The following BCAR3 variants were observed in gnomAD, a reference collection of about 807,000 sequenced individuals.
BCAR3 encodes the protein BCAR3 adaptor protein, NSP family member, also known as breast cancer anti-estrogen resistance protein 3.
Under a neutral mutation model 80.1 loss-of-function variants are expected in BCAR3, and 37 were observed. The ratio of observed to expected loss-of-function variants is 0.46; its 90% confidence interval spans 0.36 to 0.61. The LOEUF is 0.61. Ranked by LOEUF, BCAR3 falls within the 20% of genes least tolerant of loss-of-function variation. The pLI is 0.00. For missense variants in BCAR3, 978 were observed against 1,068.2 expected (o/e 0.92, Z 1.18); for synonymous variants, 389 against 418.9 (o/e 0.93, Z 0.87).
At position 93,563,251 on chromosome 1, in the gene BCAR3, C is replaced by T. The variant is rs1672777498; in HGVS notation, c.2300-832G>A. ...CCTCAGTCAACCACTGATCTGCTTTCTGTTGCTACTGTTTTGCCTTTTCTA... is the reference window on the plus strand; with the variant it reads ...CCTCAGTCAACCACTGATCTGCTTTTTGTTGCTACTGTTTTGCCTTTTCTA... On this transcript the variant is annotated intron_variant, in intron 11 of 11. Transcript: ENST00000260502. Among the ~76,000 whole-genome samples the T allele has an allele frequency of 2.0e-5, 3 of 152,294 alleles. No homozygotes were observed. The South Asian group carries it at 6.2e-4, about 32-fold the overall frequency.
chr1:93,679,142 A>G (rs1005465809), intron 1 of BCAR3, among the ~76,000 whole-genome samples: 2 of 152,254 alleles, frequency 1.3e-5, no homozygotes, highest in African/African-American at 2.4e-5. Context: ...ATTTTAAAAA[A>G]TGACTTAACA....
At chr1:93,666,226 C>T (rs1238224112) in intron 2 of BCAR3, among the ~76,000 whole-genome samples, 1 of 152,100 alleles carries the variant, frequency 6.6e-6, no homozygotes, top group African/African-American at 2.4e-5. Context: ...CAGTGCTAGC[C>T]AATAAAAACA....
At chr1:93,826,014 G>A (rs1654360929) in intron 2 of BCAR3, among the ~76,000 whole-genome samples, 1 of 152,226 alleles carries the variant, frequency 6.6e-6, no homozygotes, top group Non-Finnish European at 1.5e-5. Context: ...CACAGAAGGA[G>A]TTCAGTAAAT....
At chr1:93,720,420 G>C (rs573020558) in intron 2 of BCAR3, 1 of 152,398 alleles carries the variant, frequency 6.6e-6, no homozygotes, top group East Asian at 1.9e-4. Flanking sequence ...GGCAAAACAG[G>C]ACCTAACTTT....
At chr1:93,617,664 C>T (rs1175164485) in intron 3 of BCAR3, among the ~76,000 whole-genome samples, 1 of 152,184 alleles carries the variant, frequency 6.6e-6, no homozygotes, top group East Asian at 1.9e-4. Flanking sequence ...TTTTTGCTTC[C>T]CCTAAACCCA....
upstream of BCAR3, among the ~76,000 whole-genome samples, chr1:93,685,906 T>G (rs189734318): frequency 7.9e-5 from 12 of 152,320 alleles, no homozygotes; most frequent in Admixed American, 2.0e-4. Flanking sequence ...TCATGTTTAG[T>G]AGACTTTTTT....
At chr1:93,758,169 T>A (rs1651809309) in intron 2 of BCAR3, among the ~76,000 whole-genome samples, 1 of 148,796 alleles carries the variant, frequency 6.7e-6, no homozygotes, top group African/African-American at 2.6e-5. Flanking sequence ...AGGACTAGTG[T>A]CTTGGTTCAT....
chr1:93,632,048 C>T (rs1250661128), intron 3 of BCAR3, among the ~76,000 whole-genome samples: 1 of 152,164 alleles, frequency 6.6e-6, no homozygotes, highest in Admixed American at 6.5e-5. Flanking sequence ...CTAAAGATGC[C>T]AGAACCGACC....
At chr1:93,804,812 T>C (rs144784627) in intron 2 of BCAR3, among the ~76,000 whole-genome samples, 1 of 152,312 alleles carries the variant, frequency 6.6e-6, no homozygotes, top group African/African-American at 2.4e-5. Flanking sequence ...TTGATGAATA[T>C]TTGAGTTGTT....
At chr1:93,739,431 CT>C (rs776168816) in intron 2 of BCAR3, among the ~76,000 whole-genome samples, 1 of 152,148 alleles carries the variant, frequency 6.6e-6, no homozygotes, top group Admixed American at 6.5e-5. Context: ...TGATTAAAAT[CT>C]TTATGTTTTA....
intron 3 of BCAR3, among the ~76,000 whole-genome samples, chr1:93,625,054 C>CA (rs1156833358): frequency 6.6e-6 from 1 of 152,016 alleles, no homozygotes; most frequent in Non-Finnish European, 1.5e-5. Flanking sequence ...ACTAAAAATA[C>CA]AAAAAAATTA....
intron 2 of BCAR3, among the ~76,000 whole-genome samples, chr1:93,782,099 G>A (rs1242241493): frequency 6.6e-6 from 1 of 152,222 alleles, no homozygotes; most frequent in African/African-American, 2.4e-5. Flanking sequence ...GATGTGGACA[G>A]AACCGGAATG....
At chr1:93,805,933 AAG>A (rs1175872788) in intron 2 of BCAR3, among the ~76,000 whole-genome samples, 2 of 152,176 alleles carry the variant, frequency 1.3e-5, no homozygotes, top group African/African-American at 4.8e-5. Context: ...GAGAACAAGA[AAG>A]AGCTTTTTGA....
At position 93,582,747 on chromosome 1, in the gene BCAR3, T is replaced by G. The variant is rs771756224; in HGVS notation, c.1240A>C (p.Lys414Gln). 89 of 1,613,978 alleles carry G rather than the reference T, an allele frequency of 5.5e-5. No homozygotes were observed. The highest frequency in any genetic ancestry group is 6.5e-5 in the Non-Finnish European group (77 of 1,180,016). Residue 414 changes from lysine (K) to glutamine (Q), a missense_variant, in exon 7 of 12, where the codon AAG (lysine) becomes CAG (glutamine). Transcript: ENST00000260502. ...CAGGCAGAGGGAGACGAGGGAACCT[T>G]GAGGAACGGCACCTTGCAGGGCTTA... is the stretch of plus-strand genomic sequence containing the variant. ...PPKPCKVPFL[K>Q]VPSSPSAWLN...
chr1:93,688,662 G>T (rs1235558436), intron 3 of BCAR3, among the ~76,000 whole-genome samples: 11 of 151,926 alleles, frequency 7.2e-5, no homozygotes, highest in Admixed American at 3.3e-4. Context: ...GTGGAGCCAT[G>T]ACAGCTCACT....
At chr1:93,809,123 G>C (rs1653744410) in intron 2 of BCAR3, among the ~76,000 whole-genome samples, 1 of 152,118 alleles carries the variant, frequency 6.6e-6, no homozygotes, top group Non-Finnish European at 1.5e-5. Context: ...ATCTATATTT[G>C]ATGGAACAGG....
At chr1:93,567,080 G>A (rs1672982459) in intron 11 of BCAR3, among the ~76,000 whole-genome samples, 199 bp downstream of exon 11, 1 of 152,138 alleles carries the variant, frequency 6.6e-6, no homozygotes, top group Non-Finnish European at 1.5e-5. Flanking sequence ...TTGAACAACA[G>A]AACACACAAG....
chr1:93,836,216 C>T (rs1201308551), intron 2 of BCAR3, among the ~76,000 whole-genome samples: 1 of 152,066 alleles, frequency 6.6e-6, no homozygotes, highest in Non-Finnish European at 1.5e-5. Flanking sequence ...TTTATTAGGC[C>T]CCAGTCTCAT....
chr1:93,697,969 ACT>A (rs1469411330), intron 3 of BCAR3, among the ~76,000 whole-genome samples: 9 of 152,140 alleles, frequency 5.9e-5, no homozygotes, highest in Admixed American at 3.3e-4. Flanking sequence ...CAAGAGCAAA[ACT>A]CTGTCTCAAA....
Sources: allele counts gnomAD v4.1 joint callset (sites outside exome capture counted in the v4.1 genomes callset), GRCh38; gene constraint gnomAD v4.1.1; transcripts MANE v1.5; gene names NCBI Gene and HGNC (gene_info 2026-07-23, HGNC 2026-07-21).